BAIAP3: variants seen among roughly 807,000 people sequenced by gnomAD.
The protein encoded by BAIAP3 is BAI1-associated protein 3.
In BAIAP3, 180 loss-of-function variants were observed where a neutral mutation model predicts 149.7. The observed-to-expected ratio is 1.20, with a 90% CI of 1.07 to 1.36. The LOEUF (loss-of-function observed/expected upper bound fraction) is 1.36, where lower values mean the gene tolerates loss of function less well. Ranked by LOEUF, BAIAP3 falls within the 40% of genes most tolerant of loss-of-function variation. The pLI, the probability that BAIAP3 is intolerant of heterozygous loss-of-function variation, is 0.00. For synonymous variants in BAIAP3, 845 were observed against 670.7 expected (o/e 1.26, Z -4.02); for missense variants, 1,767 against 1,563.4 (o/e 1.13, Z -2.20).
In BAIAP3 at chr16:1,342,052, G is replaced by A; in HGVS notation, c.843G>A (p.Lys281=). Residue 281 remains lysine, a synonymous_variant, in exon 10 of 34, where the codon AAG becomes AAA. Coordinates refer to ENST00000426824, the MANE Select transcript of BAIAP3 (RefSeq NM_001199097.2). ...CRKLNEVIGL[K]GMGRYFKQIV... ...AGCTGAATGAAGTCATCGGCCTGAA[G>A]GGCATGGGCAGGTATGACTGCTGGG... 4 of 1,605,816 alleles carry A rather than the reference G, an allele frequency of 2.5e-6. No homozygotes were observed. Among genetic ancestry groups the A allele is most frequent in the African/African-American group, 1.3e-5 (1 of 74,858 alleles).
At position 1,349,119 on chromosome 16, in the gene BAIAP3, C is replaced by T; in HGVS notation, c.*637C>T. On this transcript the variant is annotated 3_prime_UTR_variant, in exon 34 of 34. Transcript: ENST00000426824. The stretch of plus-strand genomic sequence containing the variant: ...GAAGGGCTCCGTGCCAACTGGTCAG[C>T]TGTCCTTCACGCACATATCCGTGGC... 1 of 408,560 alleles carries T rather than the reference C, an allele frequency of 2.4e-6. No homozygotes were observed. The highest frequency in any genetic ancestry group is 4.5e-6 in the Non-Finnish European group (1 of 220,500). 25.3% of individuals were successfully genotyped at this position (408,560 alleles called of 1,614,324 possible).
intron 1 of BAIAP3, among the ~76,000 whole-genome samples, chr16:1,337,208 C>T (rs1567156705): frequency 6.6e-6 from 1 of 152,184 alleles, no homozygotes; most frequent in Non-Finnish European, 1.5e-5. Context: ...GCAGGACCAC[C>T]CGGCCTTCCT....
chr16:1,339,497 T>G lies in BAIAP3; in HGVS notation c.302T>G (p.Val101Gly). The change falls in exon 5 of 34, where the codon GTG (valine) becomes GGG (glycine). Residue 101 changes from valine (V) to glycine (G), a missense_variant and splice_region_variant. Physicochemically the swap from Val to Gly is moderately radical, Grantham distance 109 (BLOSUM62 -3). Transcript: ENST00000426824. ...TGGCCGCCCTTCCCCCACCTGCAGG[T>G]GGAGATGCTCTACGAGGAGGCCCTG... ...LGLRALAPEEVEMLYEEALYT... is the reference protein window; with the variant it reads ...LGLRALAPEEGEMLYEEALYT... 2 of 1,607,152 alleles carry G rather than the reference T, an allele frequency of 1.2e-6. No homozygotes were observed. Among genetic ancestry groups the G allele is most frequent in the Non-Finnish European group, 8.5e-7 (1 of 1,175,804 alleles).
chr16:1,334,963 A>G (rs1375124918), intron 1 of BAIAP3, among the ~76,000 whole-genome samples: 1 of 152,142 alleles, frequency 6.6e-6, no homozygotes, highest in African/African-American at 2.4e-5. Context: ...AAATGTGGTA[A>G]GAAGGGCGCC....
chr16:1,338,639 G>A lies in BAIAP3; in HGVS notation c.90G>A (p.Gly30=), dbSNP rs2033638794. 1 of 1,597,172 alleles carries A rather than the reference G, an allele frequency of 6.3e-7. No individual in the cohort carries two copies. Among genetic ancestry groups the A allele is most frequent in the Non-Finnish European group, 8.5e-7 (1 of 1,173,408 alleles). The change falls in exon 2 of 34, where the codon GGG becomes GGA. Residue 30 remains glycine, a synonymous_variant. Transcript: ENST00000426824. The part of the protein sequence containing the change: ...SFRRRTEQDP[G]SASADPQEPA... Reference sequence around the variant, plus strand: ...GCCGCAGGACTGAGCAGGACCCAGGGAGTGCCAGCGCCGACCCGCAGGAGC... The same window carrying A: ...GCCGCAGGACTGAGCAGGACCCAGGAAGTGCCAGCGCCGACCCGCAGGAGC...
Position 1,342,111 on chromosome 16 carries a change from G to A in BAIAP3, c.854+48G>A, listed in dbSNP as rs1044624604. On this transcript the variant is annotated intron_variant, in intron 10 of 33. Transcript: ENST00000426824. ...ACCCATCACCCGTGCCCTCAGCTTG[G>A]TCATGGGGCCCGGCGGGCAGTGGCT... 5.7e-6 allele frequency: 9 copies of A among 1,570,562 alleles called. No homozygotes were observed. In the South Asian group the frequency reaches 5.8e-5, roughly 10 times the overall value.
At chr16:1,337,391 G>A (rs1358603226) in intron 1 of BAIAP3, among the ~76,000 whole-genome samples, 3 of 152,204 alleles carry the variant, frequency 2.0e-5, no homozygotes, top group East Asian at 1.9e-4. Flanking sequence ...GGTGGCGGGC[G>A]CCTGTAATCC....
At position 1,341,085 on chromosome 16, in the gene BAIAP3, G is replaced by C. The variant is rs143421795; in HGVS notation, c.469-44G>C. Reference sequence around the variant, plus strand: ...TCCATGCTAAGTAGGGCATCTGGGGGGCAGCTCAGCCTCACCAGGCCCCCC... The same window carrying C: ...TCCATGCTAAGTAGGGCATCTGGGGCGCAGCTCAGCCTCACCAGGCCCCCC... On this transcript the variant is annotated intron_variant, in intron 6 of 33. Coordinates refer to ENST00000426824, the MANE Select transcript of BAIAP3 (RefSeq NM_001199097.2). 849 of 1,610,982 alleles carry C rather than the reference G, an allele frequency of 5.3e-4. 6 individuals carry two copies. Among genetic ancestry groups the C allele is most frequent in the South Asian group, 4.2e-3 (379 of 90,962 alleles).
intron 14 of BAIAP3, 72 bp downstream of exon 14, chr16:1,343,088 C>G: frequency 4.6e-6 from 3 of 646,406 alleles, no homozygotes; most frequent in Non-Finnish European, 6.9e-6. Context: ...GGGGGCCATG[C>G]GGTGAGTGGA....
rs113970961 is a variant in BAIAP3, at chr16:1,347,687, C to T, written c.2905-14C>T. ...GCTCCCAGAGCCCAGCTGCGCTCAC[C>T]CGCCTTTCCGCAGAGGACCCTGGAG... is the stretch of plus-strand genomic sequence containing the variant. On this transcript the variant is annotated splice_polypyrimidine_tract_variant and intron_variant, in intron 30 of 33. Coordinates refer to ENST00000426824, the MANE Select transcript of BAIAP3 (RefSeq NM_001199097.2). 2.6e-3 allele frequency: 4,191 copies of T among 1,611,348 alleles called. 108 individuals carry two copies. In the African/African-American group the frequency reaches 0.051, roughly 19 times the overall value.
In BAIAP3 at chr16:1,347,569, C is replaced by T. The variant is rs1243257769; in HGVS notation, c.2848C>T (p.His950Tyr). ...YKRLKEELRL[H>Y]KCSTRECIEQ... is the part of the protein sequence containing the mutation. ...GAGGCTGAAGGAGGAGCTGCGGCTG[C>T]ACAAATGTTCCACCCGCGAGTGCAT... Residue 950 changes from histidine (H) to tyrosine (Y), a missense_variant, in exon 30 of 34, where the codon CAC becomes TAC. Coordinates refer to ENST00000426824, the MANE Select transcript of BAIAP3 (RefSeq NM_001199097.2). 6.2e-7 allele frequency: 1 copy of T among 1,611,828 alleles called. No homozygotes were observed.
chr16:1,341,283 G>A lies in BAIAP3; in HGVS notation c.536-11G>A, dbSNP rs764173504. On this transcript the variant is annotated splice_polypyrimidine_tract_variant and intron_variant, in intron 7 of 33. Transcript: ENST00000426824. ...GCGTGGGGCCAGGGCTGAGACGCCT[G>A]CCGTGCCCAGGCTTCAGCGACCCAT... is the stretch of plus-strand genomic sequence containing the variant. 5 of 1,606,846 alleles carry A rather than the reference G, an allele frequency of 3.1e-6. No homozygotes were observed. In the South Asian group the frequency reaches 3.3e-5, roughly 11 times the overall value.
Position 1,349,392 on chromosome 16 carries a change from G to A in BAIAP3, c.*910G>A, listed in dbSNP as rs375710057. 230 of 1,608,062 alleles carry A rather than the reference G, an allele frequency of 1.4e-4. No homozygotes were observed. The highest frequency in any genetic ancestry group is 2.6e-5 in the Non-Finnish European group (31 of 1,175,200). Reference sequence around the variant, plus strand: ...CCCATTTATGTCCCTCATGTCTCTAGATTTTCTCGTCACCCAGCCTCAAAA... The same window carrying A: ...CCCATTTATGTCCCTCATGTCTCTAAATTTTCTCGTCACCCAGCCTCAAAA... On this transcript the variant is annotated 3_prime_UTR_variant, in exon 34 of 34. Coordinates refer to ENST00000426824, the MANE Select transcript of BAIAP3 (RefSeq NM_001199097.2).
chr16:1,337,785 C>G (rs192813507), intron 1 of BAIAP3, among the ~76,000 whole-genome samples: 1 of 152,220 alleles, frequency 6.6e-6, no homozygotes, highest in East Asian at 1.9e-4. Context: ...CCCCTACACC[C>G]GGCATTTTCC....
intron 1 of BAIAP3, among the ~76,000 whole-genome samples, chr16:1,336,892 G>C (rs2033491260): frequency 6.6e-6 from 1 of 152,218 alleles, no homozygotes; most frequent in Non-Finnish European, 1.5e-5. Context: ...GCACTGGCAA[G>C]GGAAGGGACC....
chr16:1,347,866 A>AG (rs1181594363), intron 31 of BAIAP3, 28 bp from the exon 32 acceptor site: 1 of 1,493,544 alleles, frequency 6.7e-7, no homozygotes. Flanking sequence ...GGATGGGGGC[A>AG]GGGGGGCTCA....
chr16:1,344,498 C>T lies in BAIAP3; in HGVS notation c.1632C>T (p.Ile544=), dbSNP rs375850730. The change falls in exon 18 of 34, where the codon ATC becomes ATT. Residue 544 remains isoleucine, a synonymous_variant. Coordinates refer to ENST00000426824, the MANE Select transcript of BAIAP3 (RefSeq NM_001199097.2). ...KRGNREWYDR[I]LNDKSPREQP... is the part of the protein sequence containing the mutation. ...GCAACCGTGAGTGGTACGACAGGAT[C>T]CTGAATGACAAGAGTCCCCGAGAGC... 24 of 1,613,238 alleles carry T rather than the reference C, an allele frequency of 1.5e-5. No individual in the cohort carries two copies. The Admixed American group carries it at 3.5e-4, about 24-fold the overall frequency.
rs977701373 is a variant in BAIAP3 at position 1,333,735 on chromosome 16, C to T, written c.-25C>T. On this transcript the variant is annotated 5_prime_UTR_variant, in exon 1 of 34. Transcript: ENST00000426824. Reference sequence around the variant, plus strand: ...CAGCGCCCCAGGAGCCCCCCCATCCCCGCGCCGGCCCACGGTAAGTGCCGC... The same window carrying T: ...CAGCGCCCCAGGAGCCCCCCCATCCTCGCGCCGGCCCACGGTAAGTGCCGC... 1 of 152,032 alleles carries T rather than the reference C, an allele frequency of 6.6e-6. No individual in the cohort carries two copies. Among genetic ancestry groups the T allele is most frequent in the Non-Finnish European group, 1.5e-5 (1 of 67,994 alleles). 9.4% of individuals were successfully genotyped at this position (152,032 alleles called of 1,614,324 possible).
At chr16:1,336,354 T>C in intron 1 of BAIAP3, 3 of 985,316 alleles carry the variant, frequency 3.0e-6, no homozygotes, top group Non-Finnish European at 3.6e-6. Flanking sequence ...CCCCCATCTT[T>C]TGGGGGGGAG....
Sources: gnomAD v4.1 joint callset for allele counts (sites outside exome capture counted in the v4.1 genomes callset) on GRCh38, gnomAD v4.1.1 for gene constraint, MANE v1.5 for transcripts, NCBI Gene and HGNC (gene_info 2026-07-23, HGNC 2026-07-21) for gene names.